Variants in CEP41 observed in about 807,000 individuals in gnomAD.
The protein encoded by CEP41 is centrosomal protein 41, also known as centrosomal protein of 41 kDa.
A neutral mutation model predicts 44.3 loss-of-function variants in CEP41; 32 were observed. That is an observed-to-expected ratio of 0.72 (90% CI 0.54 to 0.97). The LOEUF is 0.97. Among genes scored for constraint, CEP41 ranks in the 50% least tolerant of loss-of-function variants. CEP41 has a pLI of 0.00. For missense variants in CEP41, 432 were observed against 455.2 expected, an observed-to-expected ratio of 0.95 and a Z score of 0.46; for synonymous variants, 151 against 168.5, an observed-to-expected ratio of 0.90 and a Z score of 0.80.
Position 130,419,973 on chromosome 7 carries a change from G to A in CEP41, c.98-3007C>T, listed in dbSNP as rs1041988913. 2.1e-5 allele frequency: 21 copies of A among 982,466 alleles called. No homozygotes were observed. In the African/African-American group the frequency reaches 2.5e-4, roughly 12 times the overall value. 60.9% of individuals were successfully genotyped at this position (982,466 alleles called of 1,614,324 possible). Reference sequence around the variant, plus strand: ...CGTACACACACACACACACACACACGTATGAATAATCTTTATCCCTTCCAT... The same window carrying A: ...CGTACACACACACACACACACACACATATGAATAATCTTTATCCCTTCCAT... On this transcript the variant is annotated intron_variant, in intron 2 of 10. Transcript: ENST00000223208.
At chr7:130,441,237 T>C (rs1554427861), upstream of CEP41, 2 of 569,550 alleles carry the variant, frequency 3.5e-6, no homozygotes, top group Admixed American at 5.2e-5. Flanking sequence ...GCTCCAGCCT[T>C]AGGGCGGGAA....
intron 2 of CEP41, chr7:130,422,076 G>T (rs1797525913): frequency 6.6e-7 from 1 of 1,521,798 alleles, no homozygotes; most frequent in Non-Finnish European, 8.8e-7. Context: ...TGCACTCAGT[G>T]TTTGAGTTCA....
chr7:130,436,505 T>A (rs1797967685), intron 1 of CEP41, among the ~76,000 whole-genome samples: 1 of 152,032 alleles, frequency 6.6e-6, no homozygotes, highest in African/African-American at 2.4e-5. Flanking sequence ...TGATTAAATC[T>A]ATACAAGTGA....
In CEP41 at chr7:130,421,948, A is replaced by G; in HGVS notation, c.98-4982T>C. ...CGCAGCCAGGGATTTCATCAGAAGC[A>G]TAATCCATTCATGGCACAGTCTGGC... On this transcript the variant is annotated intron_variant, in intron 2 of 10. Coordinates refer to ENST00000223208, the MANE Select transcript of CEP41 (RefSeq NM_018718.3). 2.6e-6 allele frequency: 4 copies of G among 1,535,996 alleles called. No individual in the cohort carries two copies. In the South Asian group the frequency reaches 4.8e-5, roughly 18 times the overall value.
At chr7:130,399,893 C>G in intron 10 of CEP41, 146 bp downstream of exon 10, 2 of 723,194 alleles carry the variant, frequency 2.8e-6, no homozygotes, top group Non-Finnish European at 5.0e-6. Flanking sequence ...TCTGGGGTCA[C>G]CTCCACTGCC....
chr7:130,441,243 G>T (rs918926739), upstream of CEP41: 13 of 568,538 alleles, frequency 2.3e-5, no homozygotes, highest in Admixed American at 2.5e-4. Flanking sequence ...GCCTTAGGGC[G>T]GGAAGAGAGG....
intron 1 of CEP41, among the ~76,000 whole-genome samples, chr7:130,436,455 GTTCT>G (rs1554426164): frequency 1.3e-5 from 2 of 152,146 alleles, no homozygotes; most frequent in African/African-American, 4.8e-5. Context: ...TGATGCAATA[GTTCT>G]TTATCTTGAT....
rs1433466179 is a variant in CEP41 at position 130,397,711 on chromosome 7, C to T, written c.*1180G>A. 1 of 454,048 alleles carries T rather than the reference C, an allele frequency of 2.2e-6. No homozygotes were observed. Among genetic ancestry groups the T allele is most frequent in the African/African-American group, 2.0e-5 (1 of 49,932 alleles). The allele number at this position is 454,048 out of a possible 1,614,324, so 28.1% of individuals were successfully genotyped here. ...CATAAAAATTAACACCGCTCTTTTCCATCTGATTTCAGAGTTCCTCATCCT... is the reference window on the plus strand; with the variant it reads ...CATAAAAATTAACACCGCTCTTTTCTATCTGATTTCAGAGTTCCTCATCCT... On this transcript the variant is annotated 3_prime_UTR_variant, in exon 11 of 11. Coordinates refer to ENST00000223208, the MANE Select transcript of CEP41 (RefSeq NM_018718.3).
At chr7:130,424,390 A>C (rs1204526385) in intron 2 of CEP41, among the ~76,000 whole-genome samples, 3 of 149,478 alleles carry the variant, frequency 2.0e-5, no homozygotes, top group Admixed American at 1.3e-4. Context: ...ACAGAGTAAG[A>C]CCCTGTCTCA....
rs1554417775 is a variant in CEP41, at chr7:130,404,576, G to A, written c.410C>T (p.Ser137Leu). ...CAGCTTCGAGTACCTCTGAAGAGTT[G>A]AGCGGCTGGAGTCCCCTGCTCCTGC... ...NNAGAGDSSR[S>L]TLQSVISGVG... Residue 137 changes from serine to leucine, a missense_variant, in exon 6 of 11, where the codon TCA (serine) becomes TTA (leucine). Physicochemically the swap from Ser to Leu is moderately radical, Grantham distance 145 (BLOSUM62 -2). Coordinates refer to ENST00000223208, the MANE Select transcript of CEP41 (RefSeq NM_018718.3). The A allele has an allele frequency of 3.7e-6, 6 of 1,613,834 alleles. No homozygotes were observed. The highest frequency in any genetic ancestry group is 5.1e-6 in the Non-Finnish European group (6 of 1,179,754).
intron 1 of CEP41, among the ~76,000 whole-genome samples, chr7:130,432,859 T>C (rs1797863400): frequency 6.6e-6 from 1 of 152,098 alleles, no homozygotes; most frequent in African/African-American, 2.4e-5. Context: ...ATTTGGGAGT[T>C]GTCAGCCTAC....
At position 130,420,022 on chromosome 7, in the gene CEP41, A is replaced by G. The variant is rs1797455012; in HGVS notation, c.98-3056T>C. The G allele has an allele frequency of 3.0e-6, 3 of 985,356 alleles. No homozygotes were observed. In the South Asian group the frequency reaches 1.4e-4, roughly 46 times the overall value. 61.0% of individuals were successfully genotyped at this position (985,356 alleles called of 1,614,324 possible). On this transcript the variant is annotated intron_variant, in intron 2 of 10. Coordinates refer to ENST00000223208, the MANE Select transcript of CEP41 (RefSeq NM_018718.3). The stretch of plus-strand genomic sequence containing the variant: ...ATTGTCTAGCATAGGAGACACTCAA[A>G]AATACTTGCTGAATGATGGTCAGGT...
intron 1 of CEP41, among the ~76,000 whole-genome samples, chr7:130,439,536 C>T (rs1188978295): frequency 6.6e-6 from 1 of 152,154 alleles, no homozygotes; most frequent in Admixed American, 6.5e-5. Context: ...CCTCCTTCCC[C>T]CCACCCTCCA....
intron 8 of CEP41, 190 bp from the exon 9 acceptor site, chr7:130,401,011 G>A (rs1433239804): frequency 8.5e-6 from 5 of 590,380 alleles, no homozygotes; most frequent in African/African-American, 5.6e-5. Flanking sequence ...GCTGGTATTC[G>A]TTTCTTTTGC....
chr7:130,426,317 A>G lies in CEP41; in HGVS notation c.97+1638T>C, dbSNP rs148167085. On this transcript the variant is annotated intron_variant, in intron 2 of 10. Transcript: ENST00000223208. ...AAAAAGCAGATATACTTTTATCTCAATATCAAAAAAATGAAATTAATCTTA... is the reference window on the plus strand; with the variant it reads ...AAAAAGCAGATATACTTTTATCTCAGTATCAAAAAAATGAAATTAATCTTA... Among the ~76,000 whole-genome samples the G allele has an allele frequency of 1.5e-3, 230 of 152,330 alleles. 1 individual carries two copies. The East Asian group carries it at 0.021, about 14-fold the overall frequency.
chr7:130,441,053 G>A (rs28403587), upstream of CEP41: 727 of 1,440,254 alleles, frequency 5.0e-4, 8 homozygotes, highest in East Asian at 0.015. Context: ...TTGTTCAGCC[G>A]CCTCCCTATA....
intron 5 of CEP41, among the ~76,000 whole-genome samples, chr7:130,407,434 G>C (rs1797049931): frequency 6.6e-6 from 1 of 151,914 alleles, no homozygotes; most frequent in African/African-American, 2.4e-5. Context: ...ACATAATTAG[G>C]GGTGATTTGG....
chr7:130,416,447 C>A (rs559048027), intron 3 of CEP41, among the ~76,000 whole-genome samples: 3 of 152,180 alleles, frequency 2.0e-5, no homozygotes, highest in Non-Finnish European at 4.4e-5. Flanking sequence ...AAACAGACTG[C>A]AATGAATTGA....
chr7:130,439,769 A>G (rs1158726327), intron 1 of CEP41, among the ~76,000 whole-genome samples: 6 of 152,052 alleles, frequency 3.9e-5, no homozygotes, highest in African/African-American at 1.2e-4. Context: ...AACCTCAGCA[A>G]GGCAGAGAAA....
Sources: gnomAD v4.1 joint callset for allele counts (sites outside exome capture counted in the v4.1 genomes callset) on GRCh38, gnomAD v4.1.1 for gene constraint, MANE v1.5 for transcripts, NCBI Gene and HGNC (gene_info 2026-07-23, HGNC 2026-07-21) for gene names.